Variants in CDH4 observed in about 807,000 individuals in gnomAD.
CDH4 encodes the protein cadherin 4.
A neutral mutation model predicts 86.0 loss-of-function variants in CDH4; 33 were observed. The ratio of observed to expected loss-of-function variants is 0.38; its 90% CI spans 0.29 to 0.51. The LOEUF is 0.51. Ranked by LOEUF, CDH4 falls within the 20% of genes least tolerant of loss-of-function variation. CDH4 has a pLI of 0.86. For missense variants in CDH4, 1,114 were observed against 1,307.4 expected, an observed-to-expected ratio of 0.85 and a Z score of 2.28; for synonymous variants, 555 against 549.4, an observed-to-expected ratio of 1.01 and a Z score of -0.14.
chr20:61,317,879 T>C (rs971547526), intron 2 of CDH4, among the ~76,000 whole-genome samples: 8 of 151,864 alleles, frequency 5.3e-5, no homozygotes, highest in African/African-American at 1.9e-4. Context: ...CAGAGTGGGG[T>C]AAAAGTAGAG....
At chr20:61,583,822 C>T (rs570349758) in intron 2 of CDH4, among the ~76,000 whole-genome samples, 22 of 152,342 alleles carry the variant, frequency 1.4e-4, no homozygotes, top group South Asian at 1.2e-3. Context: ...TGGACCAGCC[C>T]GTACAGCCAC....
At chr20:61,621,779 C>G (rs1005158100) in intron 2 of CDH4, among the ~76,000 whole-genome samples, 1 of 152,130 alleles carries the variant, frequency 6.6e-6, no homozygotes, top group Non-Finnish European at 1.5e-5. Context: ...ATTGTTGATA[C>G]TATTTACATT....
intron 2 of CDH4, among the ~76,000 whole-genome samples, chr20:61,604,964 C>T (rs1343115477): frequency 1.3e-5 from 2 of 152,146 alleles, no homozygotes; most frequent in South Asian, 2.1e-4. Flanking sequence ...ATAGGGGCTG[C>T]GTCCAGGCTT....
chr20:61,357,042 C>A (rs1282668648), intron 2 of CDH4, among the ~76,000 whole-genome samples: 8 of 152,142 alleles, frequency 5.3e-5, no homozygotes, highest in Admixed American at 5.2e-4. Flanking sequence ...ATGCTGGTGA[C>A]CTTCTCCCCC....
intron 2 of CDH4, among the ~76,000 whole-genome samples, chr20:61,537,726 C>T (rs1257720235): frequency 6.6e-6 from 1 of 152,132 alleles, no homozygotes; most frequent in East Asian, 1.9e-4. Flanking sequence ...ACTCAAAAGG[C>T]AGATGCCTTG....
chr20:61,423,087 C>T (rs2085189130), intron 2 of CDH4, among the ~76,000 whole-genome samples: 1 of 152,138 alleles, frequency 6.6e-6, no homozygotes, highest in African/African-American at 2.4e-5. Context: ...TGCTGTGGCC[C>T]TGCTGCACGT....
chr20:61,477,632 T>G (rs1264232950), intron 2 of CDH4, among the ~76,000 whole-genome samples: 1 of 152,226 alleles, frequency 6.6e-6, no homozygotes, highest in Admixed American at 6.5e-5. Context: ...ATCCTGCGGT[T>G]GACACACAGT....
rs539387170 is a variant in CDH4 at position 61,857,763 on chromosome 20, C to T, written c.877+4865C>T. 3.9e-5 allele frequency among the ~76,000 whole-genome samples: 6 copies of T among 152,384 alleles called. No homozygotes were observed. The East Asian group carries it at 7.7e-4, about 20-fold the overall frequency. On this transcript the variant is annotated intron_variant, in intron 6 of 15. Coordinates refer to ENST00000614565, the MANE Select transcript of CDH4 (RefSeq NM_001794.5). ...AGATCCTGTAAGCCCTTCAGCCAGC[C>T]TCCCCCAAGGGTGATATCTTGCAGA...
At chr20:61,562,469 G>C (rs900943105) in intron 2 of CDH4, among the ~76,000 whole-genome samples, 5 of 152,188 alleles carry the variant, frequency 3.3e-5, no homozygotes, top group African/African-American at 1.2e-4. Flanking sequence ...CGTGTGCAGA[G>C]GTGGTTTGTC....
intron 6 of CDH4, among the ~76,000 whole-genome samples, chr20:61,861,393 GCATACAA>G: frequency 6.6e-6 from 1 of 152,246 alleles, no homozygotes; most frequent in Non-Finnish European, 1.5e-5. Context: ...TATTTCCCCC[GCATACAA>G]CATGAGGAAG....
chr20:61,598,599 G>A (rs890761703), intron 2 of CDH4, among the ~76,000 whole-genome samples: 5 of 152,146 alleles, frequency 3.3e-5, no homozygotes, highest in South Asian at 2.1e-4. Flanking sequence ...CCAGAATCGC[G>A]TGTGGGGAGG....
chr20:61,537,359 C>G (rs2086004773), intron 2 of CDH4, among the ~76,000 whole-genome samples: 1 of 152,248 alleles, frequency 6.6e-6, no homozygotes, highest in East Asian at 1.9e-4. Context: ...CAGCACTAAC[C>G]AGGTATCCCT....
At chr20:61,839,245 G>A (rs991731051) in intron 4 of CDH4, among the ~76,000 whole-genome samples, 18 of 152,304 alleles carry the variant, frequency 1.2e-4, no homozygotes, top group Admixed American at 9.8e-4. Flanking sequence ...CAGAATGGCC[G>A]CCCCTTTCCA....
chr20:61,460,668 G>T (rs1454228544), intron 2 of CDH4, among the ~76,000 whole-genome samples: 1 of 152,176 alleles, frequency 6.6e-6, no homozygotes, highest in Non-Finnish European at 1.5e-5. Flanking sequence ...AACATGTTGA[G>T]TGGGTGTCCT....
chr20:61,830,698 G>A (rs1460356155), intron 4 of CDH4, among the ~76,000 whole-genome samples: 1 of 152,270 alleles, frequency 6.6e-6, no homozygotes, highest in Non-Finnish European at 1.5e-5. Context: ...CTTCCCCCGA[G>A]GCCAGAATCC....
At chr20:61,737,602 A>G (rs2145934253) in intron 2 of CDH4, among the ~76,000 whole-genome samples, 1 of 152,266 alleles carries the variant, frequency 6.6e-6, no homozygotes, top group East Asian at 1.9e-4. Flanking sequence ...GTGTTCAGTA[A>G]GTGTTTGTGG....
chr20:61,313,121 CTG>C (rs1476944875), intron 2 of CDH4, among the ~76,000 whole-genome samples: 8 of 152,334 alleles, frequency 5.3e-5, no homozygotes, highest in African/African-American at 1.9e-4. Flanking sequence ...TCCAACGTGA[CTG>C]TGCTATGCGG....
chr20:61,876,333 C>T (rs1984023683), intron 7 of CDH4, among the ~76,000 whole-genome samples: 3 of 152,228 alleles, frequency 2.0e-5, no homozygotes, highest in Admixed American at 6.5e-5. Context: ...GGGGCCTCGC[C>T]GTCCAGTCCC....
chr20:61,653,605 A>G (rs1228239825), intron 2 of CDH4, among the ~76,000 whole-genome samples: 30 of 128,314 alleles, frequency 2.3e-4, no homozygotes, highest in East Asian at 4.5e-4. Context: ...GCTGCCGGGC[A>G]GAGACGCTCC....
Sources: gnomAD v4.1 joint callset for allele counts (sites outside exome capture counted in the v4.1 genomes callset) on GRCh38, gnomAD v4.1.1 for gene constraint, MANE v1.5 for transcripts, NCBI Gene and HGNC (gene_info 2026-07-23, HGNC 2026-07-21) for gene names.